PXDNL: variants seen among roughly 807,000 people sequenced by gnomAD.
The protein encoded by PXDNL is peroxidasin like, also known as probable oxidoreductase PXDNL.
In PXDNL, 145 loss-of-function variants were observed where a neutral mutation model predicts 150.8. That is an observed-to-expected ratio of 0.96 (90% CI 0.84 to 1.10). The LOEUF (loss-of-function observed/expected upper bound fraction) is 1.10. Among genes scored for constraint, PXDNL ranks in the 50% least tolerant of loss-of-function variants. The pLI is 0.00. For synonymous variants in PXDNL, 757 were observed against 725.7 expected (o/e 1.04, Z -0.69); for missense variants, 2,087 against 1,873.9 (o/e 1.11, Z -2.10).
intron 11 of PXDNL, among the ~76,000 whole-genome samples, chr8:51,448,215 C>G (rs947575834): frequency 6.6e-6 from 1 of 152,200 alleles, no homozygotes; most frequent in Non-Finnish European, 1.5e-5. Context: ...CTGTTATGTG[C>G]CCAGATTCCC....
At chr8:51,504,246 A>G (rs963918393) in intron 4 of PXDNL, among the ~76,000 whole-genome samples, 1 of 152,230 alleles carries the variant, frequency 6.6e-6, no homozygotes, top group Non-Finnish European at 1.5e-5. Flanking sequence ...CAATAGAAAT[A>G]TAAGACCCTT....
At chr8:51,809,060 C>A (rs2037707180) in intron 1 of PXDNL, 121 bp downstream of exon 1, 3 of 1,024,518 alleles carry the variant, frequency 2.9e-6, no homozygotes, top group Non-Finnish European at 2.9e-6. Flanking sequence ...AGTGAAAAGC[C>A]TCTTCTAAGT....
chr8:51,439,679 G>T (rs1809493289), intron 12 of PXDNL, among the ~76,000 whole-genome samples: 1 of 151,954 alleles, frequency 6.6e-6, no homozygotes, highest in African/African-American at 2.4e-5. Context: ...ATAAATATTA[G>T]CAAGGCATGT....
At chr8:51,429,806 A>G (rs1201875922) in intron 12 of PXDNL, among the ~76,000 whole-genome samples, 1 of 151,970 alleles carries the variant, frequency 6.6e-6, no homozygotes, top group Non-Finnish European at 1.5e-5. Context: ...TTTCTGAAAA[A>G]AATTATAGTA....
chr8:51,448,207 G>A (rs138718757), intron 11 of PXDNL, among the ~76,000 whole-genome samples: 2 of 152,336 alleles, frequency 1.3e-5, no homozygotes, highest in African/African-American at 4.8e-5. Flanking sequence ...ATCCTGTTCT[G>A]TTATGTGCCC....
chr8:51,791,756 T>C (rs2037515491), intron 1 of PXDNL, among the ~76,000 whole-genome samples: 1 of 152,182 alleles, frequency 6.6e-6, no homozygotes, highest in Non-Finnish European at 1.5e-5. Context: ...CTTTACCAGA[T>C]AGTGGCAAAG....
chr8:51,785,629 T>C (rs1045971610), intron 1 of PXDNL, among the ~76,000 whole-genome samples: 3 of 152,216 alleles, frequency 2.0e-5, no homozygotes, highest in African/African-American at 4.8e-5. Context: ...GGTGTTATCA[T>C]TGTAATTGTT....
At chr8:51,415,993 C>A (rs927461946) in intron 14 of PXDNL, among the ~76,000 whole-genome samples, 2 of 152,168 alleles carry the variant, frequency 1.3e-5, no homozygotes, top group Non-Finnish European at 2.9e-5. Context: ...TTACTTTTAT[C>A]TTAGAAATAA....
At chr8:51,532,095 T>A (rs981424495) in intron 4 of PXDNL, among the ~76,000 whole-genome samples, 1 of 152,236 alleles carries the variant, frequency 6.6e-6, no homozygotes, top group African/African-American at 2.4e-5. Context: ...CGGTGCAGAA[T>A]GCAGGTAAGT....
intron 1 of PXDNL, among the ~76,000 whole-genome samples, chr8:51,750,104 CT>C (rs1406731243): frequency 2.0e-5 from 3 of 152,058 alleles, no homozygotes; most frequent in African/African-American, 7.2e-5. Flanking sequence ...CATTTTTATC[CT>C]TGTGTAACAC....
chr8:51,640,390 A>G (rs1375958058), intron 2 of PXDNL, among the ~76,000 whole-genome samples: 1 of 152,164 alleles, frequency 6.6e-6, no homozygotes, highest in Non-Finnish European at 1.5e-5. Context: ...AGGGTATTCA[A>G]TTAGGAAAAG....
chr8:51,372,393 T>C (rs1281142987), intron 18 of PXDNL, among the ~76,000 whole-genome samples: 1 of 152,198 alleles, frequency 6.6e-6, no homozygotes, highest in Middle Eastern at 3.2e-3. Context: ...TTTTTAATTA[T>C]TTTTTGAGAC....
chr8:51,434,001 T>C (rs1191094276), intron 12 of PXDNL, among the ~76,000 whole-genome samples: 1 of 152,192 alleles, frequency 6.6e-6, no homozygotes, highest in Non-Finnish European at 1.5e-5. Flanking sequence ...ATTTCTTTTT[T>C]TGAATCTCAG....
chr8:51,356,085 C>T (rs1298706356), intron 19 of PXDNL, among the ~76,000 whole-genome samples: 1 of 152,196 alleles, frequency 6.6e-6, no homozygotes, highest in Admixed American at 6.5e-5. Flanking sequence ...TAACTGAGAG[C>T]AAATTACTTA....
In PXDNL at chr8:51,361,937, C is replaced by CAAAAAA. The variant is rs57092440; in HGVS notation, c.3901+9930_3901+9935dup. On this transcript the variant is annotated intron_variant, in intron 19 of 22. Transcript: ENST00000356297. The stretch of plus-strand genomic sequence containing the variant: ...TGGGCAACAGAGTGAGATTCCATCT[C>CAAAAAA]AAAAAAAAAAAAAAAAAAAAAAAAA... 7.2e-3 allele frequency among the ~76,000 whole-genome samples: 417 copies of CAAAAAA among 58,090 alleles called. 3 individuals carry two copies. The highest frequency in any genetic ancestry group is 0.019 in the African/African-American group (278 of 14,272). The allele number at this position is 58,090 out of a possible 152,430, so 38.1% of individuals were successfully genotyped here.
intron 8 of PXDNL, among the ~76,000 whole-genome samples, chr8:51,463,768 T>A (rs1281873450): frequency 6.6e-6 from 1 of 151,820 alleles, no homozygotes; most frequent in Non-Finnish European, 1.5e-5. Flanking sequence ...TCAGACACAG[T>A]GTAATAAAAA....
chr8:51,809,260 G>C lies in PXDNL; in HGVS notation c.85C>G (p.Leu29Val). Reference sequence around the variant, plus strand: ...CAGCGGACGGTGCTCTTAAAGCAAAGGCACCGGCTGGGGCAGGGCAACCCT... The same window carrying C: ...CAGCGGACGGTGCTCTTAAAGCAAACGCACCGGCTGGGGCAGGGCAACCCT... ...LPGLPCPSRC[L>V]CFKSTVRCMH... Residue 29 changes from leucine (L) to valine (V), a missense_variant, in exon 1 of 23, where the codon CTT becomes GTT. Transcript: ENST00000356297. 1 of 1,606,950 alleles carries C rather than the reference G, an allele frequency of 6.2e-7. No homozygotes were observed. The highest frequency in any genetic ancestry group is 8.5e-7 in the Non-Finnish European group (1 of 1,176,654).
intron 13 of PXDNL, 109 bp from the exon 14 acceptor site, chr8:51,423,840 T>C: frequency 2.0e-6 from 2 of 979,578 alleles, no homozygotes; most frequent in Non-Finnish European, 2.9e-6. Flanking sequence ...TATTGCACGT[T>C]TGCTGTGTGT....
chr8:51,547,364 C>T (rs1267394202), intron 4 of PXDNL, among the ~76,000 whole-genome samples: 2 of 152,192 alleles, frequency 1.3e-5, no homozygotes, highest in Non-Finnish European at 2.9e-5. Context: ...GACAGCTTCA[C>T]CACTAGCATA....
Sources: allele counts gnomAD v4.1 joint callset (sites outside exome capture counted in the v4.1 genomes callset), GRCh38; gene constraint gnomAD v4.1.1; transcripts MANE v1.5; gene names NCBI Gene and HGNC (gene_info 2026-07-23, HGNC 2026-07-21).